The following NUP58 variants were observed in gnomAD, a reference collection of about 807,000 sequenced individuals.
NUP58 encodes nucleoporin p58/p45.
A neutral mutation model predicts 70.1 loss-of-function variants in NUP58; 17 were observed. That is an observed-to-expected ratio of 0.24 (90% CI 0.17 to 0.36). The LOEUF (loss-of-function observed/expected upper bound fraction) is 0.36. Ranked by LOEUF, NUP58 falls within the 10% of genes least tolerant of loss-of-function variation. NUP58 has a pLI of 1.00. For synonymous variants in NUP58, 275 were observed against 257.6 expected, an observed-to-expected ratio of 1.07 and a Z score of -0.65; for missense variants, 644 against 701.5, an observed-to-expected ratio of 0.92 and a Z score of 0.93.
At chr13:25,307,780 G>T in intron 1 of NUP58, 26 bp from the exon 2 acceptor site, 1 of 1,611,114 alleles carries the variant, frequency 6.2e-7, no homozygotes, top group African/African-American at 1.3e-5. Context: ...TGTGATTTTT[G>T]TTTTGTTTTT....
At position 25,341,505 on chromosome 13, in the gene NUP58, A is replaced by ATT. The variant is rs1339303843; in HGVS notation, c.*1371_*1372insTT. On this transcript the variant is annotated 3_prime_UTR_variant, in exon 16 of 16. Transcript: ENST00000381736. ...TTCTCAGCCTCTTAATGTCTTAAGT[A>ATT]AGTGCTTAATTTGGAATAGAGAAAC... 1 of 152,606 alleles carries ATT rather than the reference A, an allele frequency of 6.6e-6. No homozygotes were observed. Among genetic ancestry groups the ATT allele is most frequent in the Non-Finnish European group, 1.5e-5 (1 of 68,022 alleles). 9.5% of individuals were successfully genotyped at this position (152,606 alleles called of 1,614,324 possible).
At chr13:25,337,801 C>T (rs996155887) in intron 14 of NUP58, among the ~76,000 whole-genome samples, 1 of 151,978 alleles carries the variant, frequency 6.6e-6, no homozygotes, top group African/African-American at 2.4e-5. Context: ...AGCATAATTC[C>T]TATAATCTAT....
chr13:25,315,290 C>A, intron 5 of NUP58, 67 bp from the exon 6 acceptor site: 1 of 1,139,304 alleles, frequency 8.8e-7, no homozygotes, highest in Non-Finnish European at 1.3e-6. Context: ...CATTAGAGTC[C>A]TTTGATCAGT....
At chr13:25,315,651 G>A (rs946685891) in intron 6 of NUP58, among the ~76,000 whole-genome samples, 184 bp downstream of exon 6, 13 of 148,480 alleles carry the variant, frequency 8.8e-5, no homozygotes, top group Admixed American at 1.4e-4. Context: ...GTATTGTTTT[G>A]TAGTCTGTTC....
At chr13:25,348,103 A>G (rs1378916125) in intron 3 of NUP58, among the ~76,000 whole-genome samples, 1 of 152,210 alleles carries the variant, frequency 6.6e-6, no homozygotes, top group East Asian at 1.9e-4. Flanking sequence ...GGTGGGCGTG[A>G]TTGAGGAACT....
At position 25,301,650 on chromosome 13, in the gene NUP58, C is replaced by G; in HGVS notation, c.-124C>G. The stretch of plus-strand genomic sequence containing the variant: ...AGCCTTGCCTTCGCCGCCGTTGGGG[C>G]TGGAAGTTCCCGCCAGGTCCGTGCC... On this transcript the variant is annotated 5_prime_UTR_variant, in exon 1 of 16. Coordinates refer to ENST00000381736, the MANE Select transcript of NUP58 (RefSeq NM_014089.4). The G allele has an allele frequency of 2.0e-6, 1 of 491,704 alleles. No homozygotes were observed. 30.5% of individuals were successfully genotyped at this position (491,704 alleles called of 1,614,324 possible).
downstream of NUP58, among the ~76,000 whole-genome samples, chr13:25,343,838 T>C (rs1412272627): frequency 6.8e-6 from 1 of 147,668 alleles, no homozygotes; most frequent in Admixed American, 6.8e-5. Context: ...CACATATATA[T>C]ATACGCACAC....
intron 2 of NUP58, 21 bp from the exon 3 acceptor site, chr13:25,309,226 T>C (rs2030532452): frequency 1.9e-6 from 3 of 1,579,406 alleles, no homozygotes; most frequent in South Asian, 2.2e-5. Context: ...GATTAAATTT[T>C]ATTTCTCTTT....
chr13:25,313,122 T>G, intron 4 of NUP58, 90 bp downstream of exon 4: 2 of 1,410,900 alleles, frequency 1.4e-6, no homozygotes, highest in Admixed American at 4.6e-5. Context: ...ACTACAGAAA[T>G]TATTGATTTA....
intron 10 of NUP58, 85 bp downstream of exon 10, chr13:25,325,153 A>T: frequency 1.0e-6 from 1 of 953,824 alleles, no homozygotes; most frequent in Non-Finnish European, 1.6e-6. Context: ...AAATATTTTT[A>T]GTATACTATG....
At chr13:25,330,565 TA>T (rs1254964315) in intron 12 of NUP58, among the ~76,000 whole-genome samples, 2 of 152,228 alleles carry the variant, frequency 1.3e-5, no homozygotes, top group African/African-American at 4.8e-5. Flanking sequence ...AAAACCTATC[TA>T]AATTAGGCTA....
chr13:25,343,810 T>TATATATATATATATATACAC (rs1434055445), downstream of NUP58, among the ~76,000 whole-genome samples: 2 of 128,178 alleles, frequency 1.6e-5, no homozygotes, highest in African/African-American at 4.1e-5. Flanking sequence ...TATATGTATA[T>TATATATATATATATATACAC]ATATATATAT....
chr13:25,332,614 A>G (rs935969491), intron 13 of NUP58: 3 of 985,304 alleles, frequency 3.0e-6, no homozygotes, highest in Non-Finnish European at 3.6e-6. Flanking sequence ...CACTATTGGC[A>G]GTTTAAAAAA....
chr13:25,304,231 T>G (rs1226073108), intron 1 of NUP58, among the ~76,000 whole-genome samples: 1 of 152,026 alleles, frequency 6.6e-6, no homozygotes, highest in South Asian at 2.1e-4. Context: ...CCAGATGTGA[T>G]TGAGTCAAGT....
intron 13 of NUP58, chr13:25,335,331 C>G (rs1040779781): frequency 6.1e-6 from 6 of 985,170 alleles, no homozygotes; most frequent in African/African-American, 1.7e-5. Context: ...GTAACTCTTA[C>G]GACTTACAAG....
intron 9 of NUP58, among the ~76,000 whole-genome samples, chr13:25,321,630 T>C (rs1359708863): frequency 2.0e-5 from 3 of 152,146 alleles, no homozygotes; most frequent in Non-Finnish European, 2.9e-5. Flanking sequence ...AGTTTAAAAA[T>C]AGTAGGCCGG....
At chr13:25,334,565 C>G in intron 13 of NUP58, 1 of 985,114 alleles carries the variant, frequency 1.0e-6, no homozygotes, top group Non-Finnish European at 1.2e-6. Flanking sequence ...CCCATTAAAT[C>G]AGTAAGAGTA....
At chr13:25,309,378 C>G in intron 3 of NUP58, 96 bp downstream of exon 3, 1 of 964,912 alleles carries the variant, frequency 1.0e-6, no homozygotes, top group South Asian at 1.5e-5. Context: ...TAATATTTCA[C>G]AGAGCTGGAG....
intron 10 of NUP58, 77 bp from the exon 11 acceptor site, chr13:25,326,839 C>T (rs754456776): frequency 7.3e-5 from 55 of 748,904 alleles, no homozygotes; most frequent in Non-Finnish European, 1.2e-4. Flanking sequence ...TAAATGATTG[C>T]AGAATATTCC....
Sources: allele counts gnomAD v4.1 joint callset (sites outside exome capture counted in the v4.1 genomes callset), GRCh38; gene constraint gnomAD v4.1.1; transcripts MANE v1.5; gene names NCBI Gene and HGNC (gene_info 2026-07-23, HGNC 2026-07-21).